The following VNN1 variants were observed in gnomAD, a reference collection of about 807,000 sequenced individuals.
VNN1 encodes vanin 1.
VNN1 carries 29 observed loss-of-function variants against 41.9 expected under a neutral mutation model. The ratio of observed to expected loss-of-function variants is 0.69; its 90% CI spans 0.52 to 0.94. The LOEUF is 0.94. VNN1 is among the 40% of genes least tolerant of loss of function. The pLI, the probability that VNN1 is intolerant of heterozygous loss-of-function variation, is 0.00. For synonymous variants in VNN1, 233 were observed against 224.4 expected, an observed-to-expected ratio of 1.04 and a Z score of -0.34; for missense variants, 637 against 621.1, an observed-to-expected ratio of 1.03 and a Z score of -0.27.
chr6:132,698,471 T>C (rs1397210858), intron 2 of VNN1, among the ~76,000 whole-genome samples: 2 of 152,240 alleles, frequency 1.3e-5, no homozygotes, highest in African/African-American at 4.8e-5. Flanking sequence ...AAATGTCAGA[T>C]GTGGTTGCTA....
intron 5 of VNN1, among the ~76,000 whole-genome samples, chr6:132,690,335 G>T (rs991925976): frequency 6.6e-6 from 1 of 152,078 alleles, no homozygotes; most frequent in South Asian, 2.1e-4. Flanking sequence ...ACCCAGCTTC[G>T]CAAGCCATGC....
At chr6:132,707,367 T>C (rs1255134093) in intron 2 of VNN1, among the ~76,000 whole-genome samples, 1 of 152,154 alleles carries the variant, frequency 6.6e-6, no homozygotes, top group Non-Finnish European at 1.5e-5. Context: ...GTACAGTCAC[T>C]GTAGAGAACA....
intron 5 of VNN1, among the ~76,000 whole-genome samples, chr6:132,688,650 TATTTTA>T: frequency 6.6e-6 from 1 of 152,310 alleles, no homozygotes; most frequent in Non-Finnish European, 1.5e-5. Flanking sequence ...TCACAATTTA[TATTTTA>T]ATTTTAAAAA....
chr6:132,689,192 T>A (rs1220178534), intron 5 of VNN1, among the ~76,000 whole-genome samples: 4 of 152,116 alleles, frequency 2.6e-5, no homozygotes, highest in African/African-American at 9.7e-5. Flanking sequence ...ATTCCTCTCA[T>A]ATTTTATGTA....
intron 2 of VNN1, among the ~76,000 whole-genome samples, chr6:132,705,381 T>C (rs1778505193): frequency 6.6e-6 from 1 of 152,192 alleles, no homozygotes; most frequent in South Asian, 2.1e-4. Flanking sequence ...CACAAATCAA[T>C]TGATGTGGCA....
intron 2 of VNN1, among the ~76,000 whole-genome samples, chr6:132,705,166 C>T (rs1360626370): frequency 1.3e-5 from 2 of 151,840 alleles, no homozygotes; most frequent in East Asian, 3.9e-4. Context: ...TGCTTCCAAA[C>T]TCATTCAATG....
chr6:132,691,214 G>T (rs1270923448), intron 5 of VNN1, among the ~76,000 whole-genome samples: 4 of 152,148 alleles, frequency 2.6e-5, no homozygotes. Flanking sequence ...AGTCAGTGAA[G>T]AATTTTAAGC....
At chr6:132,703,235 G>C (rs903401319) in intron 2 of VNN1, among the ~76,000 whole-genome samples, 1 of 152,124 alleles carries the variant, frequency 6.6e-6, no homozygotes, top group Non-Finnish European at 1.5e-5. Context: ...AAACTCACTA[G>C]TAAGTACACA....
chr6:132,697,161 G>GAGGA (rs879584038), intron 2 of VNN1, among the ~76,000 whole-genome samples: 16 of 151,970 alleles, frequency 1.1e-4, no homozygotes, highest in Non-Finnish European at 7.4e-5. Flanking sequence ...GGGAGGCAGG[G>GAGGA]AGGAAGGAAG....
intron 2 of VNN1, among the ~76,000 whole-genome samples, chr6:132,694,866 T>TG (rs1176730409): frequency 2.0e-4 from 30 of 152,028 alleles, no homozygotes; most frequent in African/African-American, 7.0e-4. Context: ...AAACAAATTT[T>TG]GGGGGGCCAG....
chr6:132,711,606 C>A, intron 2 of VNN1, 103 bp downstream of exon 2: 1 of 1,356,284 alleles, frequency 7.4e-7, no homozygotes, highest in Non-Finnish European at 1.0e-6. Context: ...TATACTGAAA[C>A]TTAAGAATTG....
intron 2 of VNN1, among the ~76,000 whole-genome samples, chr6:132,698,525 A>C (rs1035943296): frequency 6.6e-6 from 1 of 152,272 alleles, no homozygotes; most frequent in Non-Finnish European, 1.5e-5. Flanking sequence ...ATGTGTGCAC[A>C]CAAAACTCTG....
chr6:132,686,080 T>A (rs1324026184), intron 5 of VNN1, among the ~76,000 whole-genome samples: 1 of 151,882 alleles, frequency 6.6e-6, no homozygotes, highest in Non-Finnish European at 1.5e-5. Flanking sequence ...GAAGTTCAGA[T>A]ACACAACAAA....
At chr6:132,702,781 T>G (rs762269809) in intron 2 of VNN1, among the ~76,000 whole-genome samples, 2 of 152,158 alleles carry the variant, frequency 1.3e-5, no homozygotes, top group Non-Finnish European at 2.9e-5. Flanking sequence ...TAAGGGAACT[T>G]CTTGCCTTAA....
At position 132,700,515 on chromosome 6, in the gene VNN1, C is replaced by G. The variant is rs117696550; in HGVS notation, c.342-6333G>C. On this transcript the variant is annotated intron_variant, in intron 2 of 6. Transcript: ENST00000367928. The stretch of plus-strand genomic sequence containing the variant: ...CCACTGACACCCATCTTGGCTATCC[C>G]CACTGCTTCCCAAACCCTGTTCTAG... 6.8e-4 allele frequency among the ~76,000 whole-genome samples: 103 copies of G among 152,194 alleles called. 1 individual carries two copies. In the East Asian group the frequency reaches 0.019, roughly 27 times the overall value.
rs767362927 is a variant in VNN1, at chr6:132,684,523, A to G, written c.1189-18T>C. 2.5e-6 allele frequency: 4 copies of G among 1,613,046 alleles called. No homozygotes were observed. ...GTACAAATCTAGGGAAGTCATGAAA[A>G]CCAGTAAGTCATAAGAAAGTCATGT... On this transcript the variant is annotated intron_variant, in intron 5 of 6. Transcript: ENST00000367928.
intron 5 of VNN1, among the ~76,000 whole-genome samples, chr6:132,691,227 G>A (rs756667607): frequency 1.3e-5 from 2 of 151,750 alleles, no homozygotes; most frequent in Non-Finnish European, 2.9e-5. Context: ...TTTTAAGCCA[G>A]ACAGTATTAT....
intron 2 of VNN1, among the ~76,000 whole-genome samples, chr6:132,711,343 A>G (rs1486531932): frequency 6.6e-6 from 1 of 152,206 alleles, no homozygotes; most frequent in Non-Finnish European, 1.5e-5. Flanking sequence ...CTCATCAGCT[A>G]TCTTAGCAAT....
At chr6:132,689,776 T>C (rs1778256827) in intron 5 of VNN1, among the ~76,000 whole-genome samples, 1 of 152,350 alleles carries the variant, frequency 6.6e-6, no homozygotes, top group Non-Finnish European at 1.5e-5. Context: ...ATATTTCTAA[T>C]TCTAGTATCT....
Sources: allele counts gnomAD v4.1 joint callset (sites outside exome capture counted in the v4.1 genomes callset), GRCh38; gene constraint gnomAD v4.1.1; transcripts MANE v1.5; gene names NCBI Gene and HGNC (gene_info 2026-07-23, HGNC 2026-07-21).